PSD3: variants seen among roughly 807,000 people sequenced by gnomAD.
The protein encoded by PSD3 is PH and SEC7 domain-containing protein 3.
In PSD3, 49 loss-of-function variants were observed where a neutral mutation model predicts 105.5. That is an observed-to-expected ratio of 0.46 (90% confidence interval 0.37 to 0.59). PSD3 has a LOEUF of 0.59. PSD3 is among the 20% of genes least tolerant of loss of function. PSD3 has a pLI of 0.00. For missense variants in PSD3, 1,561 were observed against 1,263.8 expected, an observed-to-expected ratio of 1.24 and a Z score of -3.57; for synonymous variants, 557 against 457.8, an observed-to-expected ratio of 1.22 and a Z score of -2.77.
chr8:19,018,474 T>G (rs988579979), upstream of PSD3, among the ~76,000 whole-genome samples: 9 of 152,220 alleles, frequency 5.9e-5, no homozygotes, highest in Non-Finnish European at 1.2e-4. Flanking sequence ...TGTGCATTGC[T>G]CGTATATAAA....
intron 4 of PSD3, among the ~76,000 whole-genome samples, chr8:18,812,523 T>A (rs530678069): frequency 6.6e-6 from 1 of 152,068 alleles, no homozygotes; most frequent in Non-Finnish European, 1.5e-5. Context: ...AGGAGCTGGC[T>A]TGGGTGGCAG....
At chr8:18,851,216 G>T (rs1418325099) in intron 4 of PSD3, among the ~76,000 whole-genome samples, 1 of 152,170 alleles carries the variant, frequency 6.6e-6, no homozygotes, top group Non-Finnish European at 1.5e-5. Context: ...GTCCCATCTT[G>T]CAAGTAAAGA....
intron 12 of PSD3, among the ~76,000 whole-genome samples, chr8:18,587,095 GGAA>G (rs911199056): frequency 6.6e-6 from 1 of 152,138 alleles, no homozygotes; most frequent in Non-Finnish European, 1.5e-5. Context: ...GCTGAAGAAG[GGAA>G]GAAGAAGGAG....
chr8:18,949,244 A>AAAATATATATATAT (rs1345423514), intron 1 of PSD3, among the ~76,000 whole-genome samples: 1 of 14,408 alleles, frequency 6.9e-5, no homozygotes, highest in Non-Finnish European at 1.8e-4. Context: ...AAAAAAAAAA[A>AAAATATATATATAT]ATATATATAT....
chr8:18,596,279 A>G (rs1269551099), intron 12 of PSD3, among the ~76,000 whole-genome samples: 1 of 152,104 alleles, frequency 6.6e-6, no homozygotes, highest in Non-Finnish European at 1.5e-5. Context: ...GTTTATGGTA[A>G]TAAACACTTA....
intron 15 of PSD3, among the ~76,000 whole-genome samples, chr8:18,540,642 T>C (rs1800102978): frequency 6.6e-6 from 1 of 152,186 alleles, no homozygotes; most frequent in African/African-American, 2.4e-5. Flanking sequence ...GCTCATCACC[T>C]TGCGCCTGGG....
intron 1 of PSD3, among the ~76,000 whole-genome samples, chr8:19,074,601 ATATATATATATTTTTTTTTTTTTTTTT>A (rs1829389887): frequency 1.8e-5 from 1 of 54,808 alleles, no homozygotes; most frequent in African/African-American, 5.4e-5. Context: ...ACATATATAT[ATATATATATATTTTTTTTTTTTTTTTT>A]TTTTTTTTTT....
At chr8:18,557,408 T>A (rs1342141983) in intron 14 of PSD3, 3 of 152,886 alleles carry the variant, frequency 2.0e-5, no homozygotes, top group Admixed American at 6.5e-5. Context: ...ATATATAATA[T>A]TGTTGTAAAT....
At chr8:18,883,710 G>A (rs186035880) in intron 2 of PSD3, among the ~76,000 whole-genome samples, 6 of 152,204 alleles carry the variant, frequency 3.9e-5, no homozygotes, top group East Asian at 3.9e-4. Flanking sequence ...CTTTGGATGC[G>A]TTGCTTTTAA....
At chr8:18,607,907 G>A (rs1336548530) in intron 11 of PSD3, among the ~76,000 whole-genome samples, 1 of 152,032 alleles carries the variant, frequency 6.6e-6, no homozygotes, top group Non-Finnish European at 1.5e-5. Context: ...GAAGTGCCGA[G>A]CAAAAAGGGG....
chr8:18,974,188 C>G (rs1189729418), intron 1 of PSD3, among the ~76,000 whole-genome samples: 1 of 152,192 alleles, frequency 6.6e-6, no homozygotes, highest in Non-Finnish European at 1.5e-5. Context: ...CACTTCAAGC[C>G]AAGGTAGGCA....
At chr8:18,549,459 C>T (rs1376638745) in intron 15 of PSD3, among the ~76,000 whole-genome samples, 2 of 152,272 alleles carry the variant, frequency 1.3e-5, no homozygotes, top group African/African-American at 2.4e-5. Flanking sequence ...CCACTCACCT[C>T]GGCCTCCCAA....
chr8:18,585,792 T>A (rs1414031084), intron 12 of PSD3, among the ~76,000 whole-genome samples: 4 of 152,176 alleles, frequency 2.6e-5, no homozygotes, highest in Non-Finnish European at 5.9e-5. Context: ...CCATGCAACA[T>A]CATTTCCCCT....
chr8:18,930,756 G>A (rs1442084509), intron 2 of PSD3, among the ~76,000 whole-genome samples: 2 of 151,916 alleles, frequency 1.3e-5, no homozygotes, highest in Non-Finnish European at 2.9e-5. Flanking sequence ...TTTTAGTAGA[G>A]ACGGGGTTTC....
At chr8:18,858,611 A>C (rs1010091398) in intron 4 of PSD3, among the ~76,000 whole-genome samples, 1 of 152,272 alleles carries the variant, frequency 6.6e-6, no homozygotes, top group Non-Finnish European at 1.5e-5. Flanking sequence ...TGCTTTATTA[A>C]GTTTATGAAA....
chr8:18,843,307 G>A (rs1814807665), intron 4 of PSD3, among the ~76,000 whole-genome samples: 1 of 147,300 alleles, frequency 6.8e-6, no homozygotes, highest in Non-Finnish European at 1.5e-5. Flanking sequence ...CTTGCAGTGA[G>A]CCGAGATCGC....
chr8:18,609,873 C>T lies in PSD3; in HGVS notation c.2411-9439G>A, dbSNP rs180861202. Among the ~76,000 whole-genome samples, 348 of 152,296 alleles carry T rather than the reference C, an allele frequency of 2.3e-3. 2 individuals carry two copies. Among genetic ancestry groups the T allele is most frequent in the African/African-American group, 8.1e-3 (338 of 41,572 alleles). ...CTTAATTAATAGAGCAGCTCAGGCA[C>T]TTTTAGATTACTGCTTGAAGCAATC... On this transcript the variant is annotated intron_variant, in intron 11 of 15. Coordinates refer to ENST00000327040, the MANE Select transcript of PSD3 (RefSeq NM_015310.4).
At chr8:18,802,564 A>G (rs1367082956) in intron 6 of PSD3, among the ~76,000 whole-genome samples, 1 of 152,176 alleles carries the variant, frequency 6.6e-6, no homozygotes, top group Non-Finnish European at 1.5e-5. Flanking sequence ...AAAAATACAG[A>G]TCTTTCATCC....
chr8:18,752,839 G>C (rs1014777679), intron 9 of PSD3, among the ~76,000 whole-genome samples: 2 of 149,604 alleles, frequency 1.3e-5, no homozygotes. Flanking sequence ...AAAGAGCATG[G>C]AAATGAGGCA....
Sources: gnomAD v4.1 joint callset for allele counts (sites outside exome capture counted in the v4.1 genomes callset) on GRCh38, gnomAD v4.1.1 for gene constraint, MANE v1.5 for transcripts, NCBI Gene and HGNC (gene_info 2026-07-23, HGNC 2026-07-21) for gene names.